TBCK: variants seen among roughly 807,000 people sequenced by gnomAD.
TBCK encodes TBC domain-containing protein kinase-like protein.
In TBCK, 99 loss-of-function variants were observed where a neutral mutation model predicts 113.4. That is an observed-to-expected ratio of 0.87 (90% confidence interval 0.74 to 1.03). The LOEUF is 1.03. Among genes scored for constraint, TBCK ranks in the 50% least tolerant of loss-of-function variants. TBCK has a pLI of 0.00. For missense variants in TBCK, 1,045 were observed against 1,061.3 expected (o/e 0.98, Z 0.21); for synonymous variants, 369 against 370.8 (o/e 1.00, Z 0.05).
At chr4:106,098,809 G>T (rs569570394) in intron 24 of TBCK, among the ~76,000 whole-genome samples, 5 of 152,172 alleles carry the variant, frequency 3.3e-5, no homozygotes, top group Admixed American at 2.0e-4. Context: ...CTTGGAGTAA[G>T]TTGTACCCCT....
intron 19 of TBCK, among the ~76,000 whole-genome samples, chr4:106,215,892 C>A (rs1262431376): frequency 1.3e-5 from 2 of 151,658 alleles, no homozygotes; most frequent in African/African-American, 2.4e-5. Context: ...GAACTCTCCA[C>A]CCCAAATCAA....
At position 106,174,376 on chromosome 4, in the gene TBCK, T is replaced by C. The variant is rs149522556; in HGVS notation, c.2060-3106A>G. Reference sequence around the variant, plus strand: ...ATATCATTAATCTGCCCTTGACTGATAGTTTGACCAGATACAGCATTCTAG... The same window carrying C: ...ATATCATTAATCTGCCCTTGACTGACAGTTTGACCAGATACAGCATTCTAG... On this transcript the variant is annotated intron_variant, in intron 22 of 25. Coordinates refer to ENST00000394708, the MANE Select transcript of TBCK (RefSeq NM_001163435.3). Among the ~76,000 whole-genome samples the C allele has an allele frequency of 2.1e-3, 319 of 152,234 alleles. 1 individual carries two copies. Among genetic ancestry groups the C allele is most frequent in the African/African-American group, 7.3e-3 (302 of 41,570 alleles).
chr4:106,297,057 T>TC (rs1223857373), intron 2 of TBCK, among the ~76,000 whole-genome samples: 1 of 152,088 alleles, frequency 6.6e-6, no homozygotes, highest in Non-Finnish European at 1.5e-5. Flanking sequence ...TTTATCTGGC[T>TC]CCCTCCCCTC....
intron 23 of TBCK, among the ~76,000 whole-genome samples, chr4:106,125,012 A>C (rs1052112442): frequency 6.6e-6 from 1 of 152,064 alleles, no homozygotes; most frequent in Non-Finnish European, 1.5e-5. Flanking sequence ...AAAAAAAAAA[A>C]AAACACAATG....
At chr4:106,233,089 G>A (rs772195742) in intron 16 of TBCK, 25 bp from the exon 17 acceptor site, 13 of 1,597,768 alleles carry the variant, frequency 8.1e-6, no homozygotes, top group African/African-American at 4.0e-5. Flanking sequence ...AAATAATAAG[G>A]TGAAACAGTA....
intron 12 of TBCK, among the ~76,000 whole-genome samples, chr4:106,237,928 A>G (rs1243856328): frequency 6.6e-6 from 1 of 152,092 alleles, no homozygotes; most frequent in Non-Finnish European, 1.5e-5. Context: ...AAAACTTAGC[A>G]CATTAGGATT....
chr4:106,107,730 G>A (rs553098801), intron 24 of TBCK, among the ~76,000 whole-genome samples: 1 of 152,144 alleles, frequency 6.6e-6, no homozygotes, highest in Non-Finnish European at 1.5e-5. Flanking sequence ...AAGAATTAGA[G>A]AAGTGAGAAC....
intron 25 of TBCK, among the ~76,000 whole-genome samples, chr4:106,071,652 T>C (rs1442325932): frequency 2.6e-5 from 4 of 152,186 alleles, no homozygotes; most frequent in Non-Finnish European, 5.9e-5. Flanking sequence ...CTGGATATCC[T>C]TGTTAACCTT....
At chr4:106,192,382 C>A (rs1218371526) in intron 22 of TBCK, among the ~76,000 whole-genome samples, 1 of 151,814 alleles carries the variant, frequency 6.6e-6, no homozygotes, top group Non-Finnish European at 1.5e-5. Flanking sequence ...GACAAGAAAT[C>A]ATCTGCATAA....
chr4:106,257,820 G>A (rs930664517), intron 5 of TBCK, among the ~76,000 whole-genome samples: 93 of 151,920 alleles, frequency 6.1e-4, no homozygotes, highest in African/African-American at 1.9e-3. Context: ...TACTGCCTAC[G>A]TCACAAAGCT....
chr4:106,177,851 G>A (rs1053742077), intron 22 of TBCK, among the ~76,000 whole-genome samples: 3 of 151,720 alleles, frequency 2.0e-5, no homozygotes, highest in Non-Finnish European at 2.9e-5. Context: ...TTATTTTTTC[G>A]AATTCTGTTA....
chr4:106,060,423 T>C (rs910682266), intron 25 of TBCK, among the ~76,000 whole-genome samples: 1 of 151,800 alleles, frequency 6.6e-6, no homozygotes, highest in Non-Finnish European at 1.5e-5. Flanking sequence ...AAATCTACTC[T>C]GCCTGTGTTC....
rs535421075 is a variant in TBCK at position 106,069,611 on chromosome 4, T to C, written c.2572-22931A>G. Among the ~76,000 whole-genome samples the C allele has an allele frequency of 7.2e-5, 11 of 152,344 alleles. No homozygotes were observed. The South Asian group carries it at 2.3e-3, about 32-fold the overall frequency. On this transcript the variant is annotated intron_variant, in intron 25 of 25. Coordinates refer to ENST00000394708, the MANE Select transcript of TBCK (RefSeq NM_001163435.3). ...CCAGCTTTGTTCTTTTGGCTTAGAA[T>C]TGTCTTGACAATGCCAACTGTTTTT... is the stretch of plus-strand genomic sequence containing the variant.
At chr4:106,166,445 G>T (rs570909796) in intron 23 of TBCK, among the ~76,000 whole-genome samples, 1 of 151,660 alleles carries the variant, frequency 6.6e-6, no homozygotes, top group African/African-American at 2.4e-5. Context: ...GCAGACAGGA[G>T]AAATAAATAA....
intron 23 of TBCK, among the ~76,000 whole-genome samples, chr4:106,125,437 G>A (rs1745076807): frequency 6.6e-6 from 1 of 152,108 alleles, no homozygotes; most frequent in African/African-American, 2.4e-5. Context: ...GCCCATGCTT[G>A]TAATCCCATT....
rs144658853 is a variant in TBCK, at chr4:106,170,595, C to T, written c.2235+500G>A. 5.0e-3 allele frequency among the ~76,000 whole-genome samples: 764 copies of T among 152,072 alleles called. 4 individuals are homozygous for T. Among genetic ancestry groups the T allele is most frequent in the African/African-American group, 0.018 (735 of 41,514 alleles). ...CAATTTCGTGGAAATAATTATGATA[C>T]TATGATAATATTAGAATATTCGAAA... is the stretch of plus-strand genomic sequence containing the variant. On this transcript the variant is annotated intron_variant, in intron 23 of 25. Transcript: ENST00000394708.
At chr4:106,050,611 T>G (rs1734699820) in intron 25 of TBCK, among the ~76,000 whole-genome samples, 1 of 152,016 alleles carries the variant, frequency 6.6e-6, no homozygotes, top group Admixed American at 6.6e-5. Context: ...GAATTCACAA[T>G]GAAAATTAGA....
intron 2 of TBCK, among the ~76,000 whole-genome samples, chr4:106,301,557 G>A (rs1766944063): frequency 6.6e-6 from 1 of 152,088 alleles, no homozygotes; most frequent in Admixed American, 6.5e-5. Context: ...TGCCATTCCT[G>A]AGATTAAAAA....
intron 23 of TBCK, among the ~76,000 whole-genome samples, chr4:106,121,227 G>C (rs1433035285): frequency 2.0e-5 from 3 of 151,480 alleles, no homozygotes; most frequent in Non-Finnish European, 4.4e-5. Context: ...TGCAATCCTA[G>C]TCTCTGATAA....
Sources: gnomAD v4.1 joint callset for allele counts (sites outside exome capture counted in the v4.1 genomes callset) on GRCh38, gnomAD v4.1.1 for gene constraint, MANE v1.5 for transcripts, NCBI Gene and HGNC (gene_info 2026-07-23, HGNC 2026-07-21) for gene names.